GALNT13: variants seen among roughly 807,000 people sequenced by gnomAD.
GALNT13 encodes polypeptide N-acetylgalactosaminyltransferase 13.
A neutral mutation model predicts 64.2 loss-of-function variants in GALNT13; 28 were observed. The ratio of observed to expected loss-of-function variants is 0.44; its 90% CI spans 0.32 to 0.60. GALNT13 has a LOEUF of 0.60. Ranked by LOEUF, GALNT13 falls within the 20% of genes least tolerant of loss-of-function variation. GALNT13 has a pLI of 0.05. For synonymous variants in GALNT13, 214 were observed against 224.6 expected, an observed-to-expected ratio of 0.95 and a Z score of 0.42; for missense variants, 577 against 669.8, an observed-to-expected ratio of 0.86 and a Z score of 1.53.
At chr2:153,447,199 C>G in the GALNT13 span, among the ~76,000 whole-genome samples, 9 of 152,290 alleles carry the variant, frequency 5.9e-5, no homozygotes, top group African/African-American at 2.2e-4. Context: ...TAAACTGATG[C>G]TTGGCACATA....
chr2:153,892,014 A>T (rs56234944), intron 1 of GALNT13, among the ~76,000 whole-genome samples: 21,315 of 152,004 alleles, frequency 0.14, 1,696 homozygotes, highest in South Asian at 0.21. Context: ...CACGAGCAAA[A>T]CCTTGAAGGA....
chr2:153,859,469 C>T, the GALNT13 span, among the ~76,000 whole-genome samples: 3 of 152,216 alleles, frequency 2.0e-5, no homozygotes, highest in Admixed American at 1.3e-4. Flanking sequence ...GATTTCTCTC[C>T]TTACTTACTT....
chr2:153,526,180 T>G, the GALNT13 span, among the ~76,000 whole-genome samples: 2 of 152,232 alleles, frequency 1.3e-5, no homozygotes, highest in Non-Finnish European at 2.9e-5. Context: ...ATCTGCTGAT[T>G]GTAGAGCCAC....
intron 4 of GALNT13, among the ~76,000 whole-genome samples, chr2:154,238,740 A>G (rs1689326219): frequency 1.3e-5 from 2 of 152,068 alleles, no homozygotes; most frequent in South Asian, 4.1e-4. Flanking sequence ...AAAGTTATAT[A>G]TACTTAAGGT....
intron 3 of GALNT13, among the ~76,000 whole-genome samples, chr2:154,089,848 T>C (rs1005082735): frequency 1.9e-4 from 29 of 151,454 alleles, no homozygotes; most frequent in Non-Finnish European, 3.4e-4. Flanking sequence ...TCACCACTTA[T>C]GGTTGTTTTG....
chr2:154,324,236 G>C (rs917619656), intron 9 of GALNT13, among the ~76,000 whole-genome samples: 8 of 149,264 alleles, frequency 5.4e-5, no homozygotes, highest in African/African-American at 1.7e-4. Flanking sequence ...ATATTTTTAG[G>C]GTTTTTAAAT....
chr2:153,678,809 T>C, the GALNT13 span, among the ~76,000 whole-genome samples: 1 of 152,002 alleles, frequency 6.6e-6, no homozygotes. Flanking sequence ...TTCAAGTAAG[T>C]TGTCAAGGGA....
chr2:154,273,361 T>C (rs1239330262), intron 8 of GALNT13, among the ~76,000 whole-genome samples: 1 of 152,142 alleles, frequency 6.6e-6, no homozygotes, highest in Admixed American at 6.6e-5. Context: ...AAAGGCCTTA[T>C]GCAGCTATGA....
chr2:153,540,630 G>C, the GALNT13 span, among the ~76,000 whole-genome samples: 1 of 152,328 alleles, frequency 6.6e-6, no homozygotes, highest in East Asian at 1.9e-4. Flanking sequence ...GTATCCTACT[G>C]AGCCGCAGGG....
At chr2:154,374,229 T>C (rs1167610194) in intron 9 of GALNT13, among the ~76,000 whole-genome samples, 1 of 152,232 alleles carries the variant, frequency 6.6e-6, no homozygotes, top group Admixed American at 6.5e-5. Flanking sequence ...ATTTCTAATA[T>C]TCGGTAAGCA....
At chr2:154,242,564 T>A in intron 5 of GALNT13, 134 bp from the exon 6 acceptor site, 1 of 621,290 alleles carries the variant, frequency 1.6e-6, no homozygotes, top group Non-Finnish European at 2.8e-6. Flanking sequence ...TCTATTATTT[T>A]ATATCTAAGG....
the GALNT13 span, among the ~76,000 whole-genome samples, chr2:153,495,367 T>C: frequency 6.6e-6 from 1 of 152,030 alleles, no homozygotes; most frequent in African/African-American, 2.4e-5. Context: ...AAAAGACTAA[T>C]TCATTTCACT....
chr2:153,701,312 A>G, the GALNT13 span, among the ~76,000 whole-genome samples: 1 of 152,192 alleles, frequency 6.6e-6, no homozygotes, highest in East Asian at 1.9e-4. Flanking sequence ...CTGAAACTGG[A>G]CCACTTCCTT....
Position 154,408,836 on chromosome 2 carries a change from A to G in GALNT13, c.1297-148A>G, listed in dbSNP as rs1574252718. ...AGAATGGACACTGAAAAAGACAAATATTTAAAGTAATATGTTTTTCTTGGA... is the reference window on the plus strand; with the variant it reads ...AGAATGGACACTGAAAAAGACAAATGTTTAAAGTAATATGTTTTTCTTGGA... On this transcript the variant is annotated intron_variant, in intron 10 of 12. Transcript: ENST00000392825. 8 of 618,606 alleles carry G rather than the reference A, an allele frequency of 1.3e-5. No individual in the cohort carries two copies. In the East Asian group the frequency reaches 2.2e-4, roughly 17 times the overall value. The allele number at this position is 618,606 out of a possible 1,614,324, so 38.3% of individuals were successfully genotyped here.
chr2:153,746,777 C>T, the GALNT13 span, among the ~76,000 whole-genome samples: 1 of 152,108 alleles, frequency 6.6e-6, no homozygotes, highest in Admixed American at 6.6e-5. Context: ...ACAATTTTAG[C>T]CATTCCAGAG....
rs545408533 is a variant in GALNT13, at chr2:154,168,463, T to C, written c.311+27958T>C. On this transcript the variant is annotated intron_variant, in intron 4 of 12. Transcript: ENST00000392825. The stretch of plus-strand genomic sequence containing the variant: ...TCTAAAAAATACCACTATAGAAACA[T>C]CTAAAATAATGTTTGACCAAATGTT... Among the ~76,000 whole-genome samples the C allele has an allele frequency of 3.9e-5, 6 of 151,962 alleles. No individual in the cohort carries two copies. In the South Asian group the frequency reaches 1.0e-3, roughly 26 times the overall value.
At chr2:154,029,437 G>A (rs970356925) in intron 3 of GALNT13, among the ~76,000 whole-genome samples, 1 of 152,070 alleles carries the variant, frequency 6.6e-6, no homozygotes, top group African/African-American at 2.4e-5. Context: ...GGCTATCCAT[G>A]TATTACCCAT....
At chr2:154,372,629 G>C (rs1029450295) in intron 9 of GALNT13, among the ~76,000 whole-genome samples, 3 of 152,008 alleles carry the variant, frequency 2.0e-5, no homozygotes, top group Non-Finnish European at 4.4e-5. Context: ...AAATTTCTTA[G>C]GAAGTGAGGT....
the GALNT13 span, among the ~76,000 whole-genome samples, chr2:153,397,050 T>C: frequency 6.6e-6 from 1 of 152,138 alleles, no homozygotes; most frequent in African/African-American, 2.4e-5. Context: ...ACCATTTTCA[T>C]CCTCTAAAAT....
Sources: gnomAD v4.1 joint callset for allele counts (sites outside exome capture counted in the v4.1 genomes callset) on GRCh38, gnomAD v4.1.1 for gene constraint, MANE v1.5 for transcripts, NCBI Gene and HGNC (gene_info 2026-07-23, HGNC 2026-07-21) for gene names.